The following CHST8 variants were observed in gnomAD, a reference collection of about 807,000 sequenced individuals.
CHST8 encodes the protein GALNAC-4-ST1.
CHST8 carries 10 observed loss-of-function variants against 15.0 expected under a neutral mutation model. That is an observed-to-expected ratio of 0.67 (90% confidence interval 0.41 to 1.13). CHST8 has a LOEUF of 1.13. Ranked by LOEUF, CHST8 falls within the 50% of genes most tolerant of loss-of-function variation. The pLI is 0.00. For missense variants in CHST8, 634 were observed against 608.2 expected (o/e 1.04, Z -0.45); for synonymous variants, 259 against 256.6 (o/e 1.01, Z -0.09).
intron 3 of CHST8, among the ~76,000 whole-genome samples, chr19:33,705,728 C>T (rs1332045032): frequency 6.6e-6 from 1 of 152,138 alleles, no homozygotes; most frequent in Non-Finnish European, 1.5e-5. Flanking sequence ...CCTAGGGCAC[C>T]ATGGCAGCCA....
chr19:33,759,501 G>A (rs1025555154), intron 3 of CHST8, among the ~76,000 whole-genome samples: 2 of 152,094 alleles, frequency 1.3e-5, no homozygotes, highest in African/African-American at 4.8e-5. Context: ...CAGGCCCACT[G>A]CCTCTACCCC....
intron 3 of CHST8, among the ~76,000 whole-genome samples, chr19:33,721,046 C>T (rs1400206258): frequency 1.3e-5 from 2 of 152,224 alleles, no homozygotes; most frequent in Admixed American, 6.5e-5. Context: ...GGCCACTCAT[C>T]TCAGCTCTGT....
At chr19:33,767,945 C>T (rs1386813500) in intron 3 of CHST8, among the ~76,000 whole-genome samples, 2 of 152,160 alleles carry the variant, frequency 1.3e-5, no homozygotes, top group Admixed American at 6.5e-5. Flanking sequence ...GCCAAAACTC[C>T]TTCCCACCCA....
intron 3 of CHST8, among the ~76,000 whole-genome samples, chr19:33,754,355 C>T (rs1159735934): frequency 2.0e-5 from 3 of 151,734 alleles, no homozygotes; most frequent in East Asian, 2.0e-4. Context: ...ATGAGCAAAC[C>T]GTCCTTGCTA....
At chr19:33,682,454 T>C (rs1256888885) in intron 2 of CHST8, among the ~76,000 whole-genome samples, 1 of 152,188 alleles carries the variant, frequency 6.6e-6, no homozygotes, top group East Asian at 1.9e-4. Context: ...TACAGTCCAG[T>C]GGCATTAATT....
intron 1 of CHST8, among the ~76,000 whole-genome samples, chr19:33,653,476 C>A (rs1972473770): frequency 6.6e-6 from 1 of 152,152 alleles, no homozygotes; most frequent in East Asian, 1.9e-4. Flanking sequence ...GAAGTTGAGG[C>A]ACTTATTCAC....
At chr19:33,750,406 G>A (rs1230611736) in intron 3 of CHST8, among the ~76,000 whole-genome samples, 1 of 152,180 alleles carries the variant, frequency 6.6e-6, no homozygotes, top group Admixed American at 6.5e-5. Flanking sequence ...GGACCCCAGG[G>A]CCTGGATCTG....
chr19:33,689,986 A>G (rs1404154202), intron 3 of CHST8, among the ~76,000 whole-genome samples: 1 of 152,108 alleles, frequency 6.6e-6, no homozygotes, highest in Non-Finnish European at 1.5e-5. Context: ...AGGAAGGGTG[A>G]TTCTGGCATC....
intron 1 of CHST8, among the ~76,000 whole-genome samples, chr19:33,628,967 T>C (rs1972090567): frequency 6.6e-6 from 1 of 152,182 alleles, no homozygotes; most frequent in Non-Finnish European, 1.5e-5. Context: ...CTGCTGGTTG[T>C]GTGGCCCCAC....
At chr19:33,718,767 C>T (rs527950032) in intron 3 of CHST8, among the ~76,000 whole-genome samples, 40 of 152,304 alleles carry the variant, frequency 2.6e-4, no homozygotes, top group East Asian at 9.6e-4. Context: ...CCGCAGCCTG[C>T]GGAGGAGGGT....
At chr19:33,656,886 C>A (rs1326573151) in intron 1 of CHST8, among the ~76,000 whole-genome samples, 1 of 152,010 alleles carries the variant, frequency 6.6e-6, no homozygotes, top group Non-Finnish European at 1.5e-5. Context: ...TATAATGTAT[C>A]ATTATTTATC....
chr19:33,693,999 T>G (rs1973148589), intron 3 of CHST8, among the ~76,000 whole-genome samples: 1 of 149,014 alleles, frequency 6.7e-6, no homozygotes, highest in Non-Finnish European at 1.5e-5. Flanking sequence ...CAGTGACCCA[T>G]GAAGCCAAAG....
chr19:33,659,854 A>G (rs1469108), intron 1 of CHST8, among the ~76,000 whole-genome samples: 128,449 of 152,220 alleles, frequency 0.84, 54,729 homozygotes, highest in African/African-American at 0.95. Flanking sequence ...TTATGTGTCG[A>G]GATTTATCAA....
At chr19:33,648,995 C>T (rs1433624235) in intron 1 of CHST8, among the ~76,000 whole-genome samples, 3 of 150,910 alleles carry the variant, frequency 2.0e-5, no homozygotes, top group Non-Finnish European at 2.9e-5. Flanking sequence ...GCTCCACCCC[C>T]CAGGTTCACA....
chr19:33,748,925 C>T (rs964381725), intron 3 of CHST8, among the ~76,000 whole-genome samples: 1 of 152,146 alleles, frequency 6.6e-6, no homozygotes. Context: ...CGAAGGCTCA[C>T]TCGGAGGAGA....
chr19:33,746,825 C>CTT (rs530404353), intron 3 of CHST8, among the ~76,000 whole-genome samples: 1 of 147,434 alleles, frequency 6.8e-6, no homozygotes, highest in Non-Finnish European at 1.5e-5. Flanking sequence ...ACATTTTGTT[C>CTT]TTTTTTTTTT....
At chr19:33,737,089 AG>A (rs1321878461) in intron 3 of CHST8, among the ~76,000 whole-genome samples, 1 of 152,310 alleles carries the variant, frequency 6.6e-6, no homozygotes, top group East Asian at 1.9e-4. Flanking sequence ...TAAAAAGGGG[AG>A]GGACCCTCAG....
chr19:33,763,764 C>A (rs1049287253), intron 3 of CHST8, among the ~76,000 whole-genome samples: 27 of 152,230 alleles, frequency 1.8e-4, no homozygotes, highest in Admixed American at 5.2e-4. Context: ...CAGCCTGCCT[C>A]AGATGGAGGA....
intron 3 of CHST8, among the ~76,000 whole-genome samples, chr19:33,700,451 C>T (rs1443112783): frequency 6.6e-6 from 1 of 152,232 alleles, no homozygotes; most frequent in Non-Finnish European, 1.5e-5. Flanking sequence ...AGGGCCACCT[C>T]GCCCTCCCAT....
Sources: gnomAD v4.1 joint callset for allele counts (sites outside exome capture counted in the v4.1 genomes callset) on GRCh38, gnomAD v4.1.1 for gene constraint, MANE v1.5 for transcripts, NCBI Gene and HGNC (gene_info 2026-07-23, HGNC 2026-07-21) for gene names.